The following MTAP variants were observed in gnomAD, a reference collection of about 807,000 sequenced individuals.
The protein encoded by MTAP is S-methyl-5'-thioadenosine phosphorylase.
In MTAP, 33 loss-of-function variants were observed where a neutral mutation model predicts 33.6. The ratio of observed to expected loss-of-function variants is 0.98; its 90% confidence interval spans 0.74 to 1.31. The LOEUF is 1.31. MTAP is among the 40% of genes most tolerant of loss of function. The pLI is 0.00. For missense variants in MTAP, 367 were observed against 360.0 expected, an observed-to-expected ratio of 1.02 and a Z score of -0.16; for synonymous variants, 148 against 125.7, an observed-to-expected ratio of 1.18 and a Z score of -1.19.
chr9:21,821,843 C>T, intron 4 of MTAP, among the ~76,000 whole-genome samples: 1 of 152,166 alleles, frequency 6.6e-6, no homozygotes, highest in East Asian at 1.9e-4. Flanking sequence ...CAATTTCTTC[C>T]TGGTTTAGTC....
At chr9:21,826,609 T>TTTATTATTATTATTA (rs149631009) in intron 4 of MTAP, among the ~76,000 whole-genome samples, 11 of 140,884 alleles carry the variant, frequency 7.8e-5, no homozygotes, top group African/African-American at 1.6e-4. Context: ...TGGGGTTTTG[T>TTTATTATTATTATTA]TTATTATTAT....
chr9:21,861,699 GC>G, intron 7 of MTAP: 1 of 437,484 alleles, frequency 2.3e-6, no homozygotes, highest in South Asian at 3.1e-5. Context: ...CAGGCTGGGG[GC>G]TGGTATGGCA....
intron 6 of MTAP, among the ~76,000 whole-genome samples, chr9:21,857,511 T>C (rs935517523): frequency 6.6e-6 from 1 of 152,208 alleles, no homozygotes; most frequent in African/African-American, 2.4e-5. Context: ...CTTCGAAGCA[T>C]AGGAAGGCAT....
downstream of MTAP, among the ~76,000 whole-genome samples, chr9:21,870,006 A>G (rs1825912760): frequency 6.6e-6 from 1 of 152,026 alleles, no homozygotes; most frequent in Non-Finnish European, 1.5e-5. Flanking sequence ...GCCCTTTTCC[A>G]AGAACACACC....
chr9:21,884,087 A>G (rs551651232), intron 1 of MTAP, among the ~76,000 whole-genome samples: 2 of 151,752 alleles, frequency 1.3e-5, no homozygotes, highest in South Asian at 2.1e-4. Flanking sequence ...CAACATCCTC[A>G]CTGAAAAAAA....
chr9:21,861,299 C>T (rs911765135), intron 7 of MTAP: 2 of 151,918 alleles, frequency 1.3e-5, no homozygotes, highest in Non-Finnish European at 2.9e-5. Flanking sequence ...ATCGGATTTT[C>T]AAAGGAGGAT....
chr9:21,864,824 T>C lies in MTAP; in HGVS notation c.*2810T>C. On this transcript the variant is annotated 3_prime_UTR_variant, in exon 8 of 8. Coordinates refer to ENST00000644715, the MANE Select transcript of MTAP (RefSeq NM_002451.4). Reference sequence around the variant, plus strand: ...GGTGCCACGTGAGCCTGCTCTGGCATCCACAGGATGCTCCTGGAGCCTCTT... The same window carrying C: ...GGTGCCACGTGAGCCTGCTCTGGCACCCACAGGATGCTCCTGGAGCCTCTT... 1.0e-6 allele frequency: 1 copy of C among 985,486 alleles called. No individual in the cohort carries two copies. The highest frequency in any genetic ancestry group is 1.2e-6 in the Non-Finnish European group (1 of 829,962). The allele number at this position is 985,486 out of a possible 1,614,324, so 61.0% of individuals were successfully genotyped here.
At chr9:21,912,234 A>C (rs970483541) in intron 1 of MTAP, among the ~76,000 whole-genome samples, 5 of 152,224 alleles carry the variant, frequency 3.3e-5, no homozygotes, top group Admixed American at 6.5e-5. Flanking sequence ...TCCTTCTGAA[A>C]CTATTCCAAT....
chr9:21,885,608 T>A (rs551719213), intron 1 of MTAP, among the ~76,000 whole-genome samples: 1 of 152,192 alleles, frequency 6.6e-6, no homozygotes, highest in South Asian at 2.1e-4. Context: ...CCAAAATTCA[T>A]TATATCATTC....
chr9:21,888,933 G>T (rs1265387663), intron 1 of MTAP, among the ~76,000 whole-genome samples: 1 of 152,048 alleles, frequency 6.6e-6, no homozygotes, highest in Non-Finnish European at 1.5e-5. Flanking sequence ...TCAGATTAAC[G>T]CAAATTTCTC....
chr9:21,919,651 C>T (rs1208371332), intron 1 of MTAP, among the ~76,000 whole-genome samples: 1 of 152,108 alleles, frequency 6.6e-6, no homozygotes, highest in Non-Finnish European at 1.5e-5. Context: ...TGACCATAAG[C>T]ATTTTAGCTG....
chr9:21,923,045 G>A (rs1044187398), intron 1 of MTAP, among the ~76,000 whole-genome samples: 1 of 152,106 alleles, frequency 6.6e-6, no homozygotes, highest in African/African-American at 2.4e-5. Context: ...CTACCTCAGG[G>A]GCAAGTCTGT....
intron 1 of MTAP, among the ~76,000 whole-genome samples, chr9:21,924,895 G>C (rs1213538879): frequency 6.6e-6 from 1 of 152,232 alleles, no homozygotes; most frequent in Non-Finnish European, 1.5e-5. Context: ...ATGCATCAAA[G>C]GGTTCCATAA....
chr9:21,816,742 T>C lies in MTAP; in HGVS notation c.149T>C (p.Ile50Thr). The C allele has an allele frequency of 6.2e-7, 1 of 1,612,172 alleles. No homozygotes were observed. Among genetic ancestry groups the C allele is most frequent in the Admixed American group, 1.7e-5 (1 of 59,742 alleles). The change falls in exon 3 of 8, where the codon ATA (isoleucine) becomes ACA (threonine). Residue 50 changes from isoleucine to threonine, a missense_variant. By Grantham distance (89) the Ile-to-Thr change is moderately conservative. Coordinates refer to ENST00000644715, the MANE Select transcript of MTAP (RefSeq NM_002451.4). ...KPSDALILGK[I>T]KNVDCVLLAR... ...TCTGATGCCTTAATTTTGGGGAAGA[T>C]AAAAAATGTTGATTGCGTCCTCCTT...
chr9:21,856,868 G>T (rs1333991674), intron 6 of MTAP, among the ~76,000 whole-genome samples: 2 of 152,156 alleles, frequency 1.3e-5, no homozygotes, highest in Admixed American at 6.5e-5. Context: ...GTCACATTGG[G>T]CGAGTTATTT....
chr9:21,819,993 AT>A (rs1484483951), intron 4 of MTAP, among the ~76,000 whole-genome samples: 6 of 151,734 alleles, frequency 4.0e-5, no homozygotes, highest in Non-Finnish European at 8.8e-5. Flanking sequence ...GGGTTGTTTG[AT>A]TTTTTTCTTG....
downstream of MTAP, among the ~76,000 whole-genome samples, chr9:21,869,306 C>T (rs529045560): frequency 1.0e-3 from 152 of 152,252 alleles, 1 homozygote; most frequent in African/African-American, 3.6e-3. Flanking sequence ...TCAAGGTCAC[C>T]GATTTACTGC....
chr9:21,931,200 C>T, downstream of MTAP: 1 of 724,034 alleles, frequency 1.4e-6, no homozygotes, highest in Non-Finnish European at 2.5e-6. Flanking sequence ...TGACAGCTAG[C>T]AAGAGGCCAA....
At chr9:21,821,194 T>A (rs1326642245) in intron 4 of MTAP, among the ~76,000 whole-genome samples, 1 of 152,252 alleles carries the variant, frequency 6.6e-6, no homozygotes, top group Non-Finnish European at 1.5e-5. Context: ...GGCATCCCTG[T>A]CTTGTGCCAG....
Sources: gnomAD v4.1 joint callset for allele counts (sites outside exome capture counted in the v4.1 genomes callset) on GRCh38, gnomAD v4.1.1 for gene constraint, MANE v1.5 for transcripts, NCBI Gene and HGNC (gene_info 2026-07-23, HGNC 2026-07-21) for gene names.